ZNF69: variants seen among roughly 807,000 people sequenced by gnomAD.
The protein encoded by ZNF69 is zinc finger protein 69.
A neutral mutation model predicts 50.9 loss-of-function variants in ZNF69; 47 were observed. The observed-to-expected ratio is 0.92, with a 90% CI of 0.73 to 1.18. The LOEUF is 1.18. Ranked by LOEUF, ZNF69 falls within the 50% of genes most tolerant of loss-of-function variation. The pLI, the probability that ZNF69 is intolerant of heterozygous loss-of-function variation, is 0.00. For missense variants in ZNF69, 717 were observed against 675.1 expected (o/e 1.06, Z -0.69); for synonymous variants, 216 against 223.1 (o/e 0.97, Z 0.29).
At chr19:11,977,041 C>T in the ZNF69 span, 1 of 1,614,106 alleles carries the variant, frequency 6.2e-7, no homozygotes, top group Non-Finnish European at 8.5e-7. Context: ...GTTTCAGGAC[C>T]CTGTGGCCTG....
At chr19:11,966,193 T>G in the ZNF69 span, among the ~76,000 whole-genome samples, 258 of 152,292 alleles carry the variant, frequency 1.7e-3, 2 homozygotes, top group African/African-American at 5.7e-3. Context: ...TCCAGTCAGA[T>G]AATGTCTGTT....
the ZNF69 span, among the ~76,000 whole-genome samples, chr19:11,942,233 C>G: frequency 6.6e-6 from 1 of 151,066 alleles, no homozygotes; most frequent in Non-Finnish European, 1.5e-5. Flanking sequence ...GGGCTTTCCC[C>G]TGGACTTCCC....
At chr19:11,960,108 C>T in the ZNF69 span, among the ~76,000 whole-genome samples, 1 of 151,106 alleles carries the variant, frequency 6.6e-6, no homozygotes, top group African/African-American at 2.4e-5. Flanking sequence ...GATCTCACCT[C>T]ACTGCAACCT....
chr19:11,914,961 T>C (rs982320762), downstream of ZNF69, among the ~76,000 whole-genome samples: 1 of 152,172 alleles, frequency 6.6e-6, no homozygotes, highest in African/African-American at 2.4e-5. Flanking sequence ...CCCACCACTT[T>C]GCTAGTCCAA....
intron 1 of ZNF69, among the ~76,000 whole-genome samples, chr19:11,890,302 C>G (rs1158009083): frequency 6.6e-6 from 1 of 152,180 alleles, no homozygotes; most frequent in African/African-American, 2.4e-5. Context: ...GGGCAGAGGT[C>G]CCTGCGGCTT....
At chr19:11,951,017 G>T in the ZNF69 span, among the ~76,000 whole-genome samples, 1 of 151,500 alleles carries the variant, frequency 6.6e-6, no homozygotes, top group Non-Finnish European at 1.5e-5. Flanking sequence ...TGGGCATGGT[G>T]GCGCGCACCG....
chr19:11,941,519 C>G, the ZNF69 span, among the ~76,000 whole-genome samples: 18 of 152,224 alleles, frequency 1.2e-4, no homozygotes, highest in African/African-American at 4.3e-4. Flanking sequence ...CCAGTACACC[C>G]TCTGCAGCCG....
At chr19:11,937,492 T>C in the ZNF69 span, among the ~76,000 whole-genome samples, 2,672 of 122,112 alleles carry the variant, frequency 0.022, 118 homozygotes, top group African/African-American at 0.078. Flanking sequence ...TTTCTTTCCT[T>C]TTTTTTTTTT....
the ZNF69 span, chr19:11,977,498 G>A: frequency 6.4e-7 from 1 of 1,555,708 alleles, no homozygotes. Context: ...ATGTTGAAGA[G>A]AAGTAAAACA....
chr19:11,898,643 C>A (rs1375502193), intron 1 of ZNF69, among the ~76,000 whole-genome samples: 1 of 152,124 alleles, frequency 6.6e-6, no homozygotes, highest in African/African-American at 2.4e-5. Context: ...CCCACCTCAG[C>A]CTTCCAAAGT....
chr19:11,976,182 A>AT, the ZNF69 span, among the ~76,000 whole-genome samples: 1 of 150,442 alleles, frequency 6.6e-6, no homozygotes, highest in Admixed American at 6.7e-5. Context: ...GGGAACAGGC[A>AT]TTTTCAAGGA....
At chr19:11,908,380 C>T (rs1972409933), downstream of ZNF69, among the ~76,000 whole-genome samples, 1 of 152,230 alleles carries the variant, frequency 6.6e-6, no homozygotes, top group Non-Finnish European at 1.5e-5. Flanking sequence ...TTCTTCTCAG[C>T]ACCACATCAC....
At chr19:11,970,068 T>C in the ZNF69 span, among the ~76,000 whole-genome samples, 1 of 152,200 alleles carries the variant, frequency 6.6e-6, no homozygotes, top group Non-Finnish European at 1.5e-5. Context: ...GTGGAGGAGA[T>C]GCCTGGTATA....
chr19:11,978,637 G>A, the ZNF69 span: 1 of 1,613,904 alleles, frequency 6.2e-7, no homozygotes, highest in Admixed American at 1.7e-5. Context: ...AAATCCTTTA[G>A]TTATTCTGCT....
At chr19:11,892,658 C>G (rs564907143) in intron 1 of ZNF69, among the ~76,000 whole-genome samples, 59 of 151,988 alleles carry the variant, frequency 3.9e-4, no homozygotes, top group African/African-American at 1.4e-3. Context: ...TTCCTGTTTC[C>G]CTTCAGTCAT....
Position 11,906,617 on chromosome 19 carries a change from CTGTT to C in ZNF69, c.*520_*523del, listed in dbSNP as rs1885071690. ...AACAGACCTCAGCTGAGGGTCCTGA[CTGTT>C]AGAAGGAAAACTAACAAACAGAAAG... On this transcript the variant is annotated 3_prime_UTR_variant, in exon 4 of 4. Coordinates refer to ENST00000429654, the MANE Select transcript of ZNF69 (RefSeq NM_001364730.1). 6.6e-6 allele frequency among the ~76,000 whole-genome samples: 1 copy of C among 152,218 alleles called. No homozygotes were observed. The highest frequency in any genetic ancestry group is 2.1e-4 in the South Asian group (1 of 4,836).
chr19:11,958,230 G>A, the ZNF69 span, among the ~76,000 whole-genome samples: 8 of 151,990 alleles, frequency 5.3e-5, no homozygotes, highest in South Asian at 1.7e-3. Flanking sequence ...GTAAATATAA[G>A]TGAACTGTGG....
chr19:11,913,792 T>G (rs1033643574), exon 5 of ZNF69: 9 of 161,308 alleles, frequency 5.6e-5, no homozygotes, highest in Non-Finnish European at 9.4e-5. Flanking sequence ...TGTCAGCAAG[T>G]GTGTAATATA....
chr19:11,942,325 C>T, the ZNF69 span, among the ~76,000 whole-genome samples: 23 of 151,962 alleles, frequency 1.5e-4, no homozygotes, highest in South Asian at 1.3e-3. Flanking sequence ...TTCAAGGAAA[C>T]ACAGCCTCAG....
Sources: allele counts gnomAD v4.1 joint callset (sites outside exome capture counted in the v4.1 genomes callset), GRCh38; gene constraint gnomAD v4.1.1; transcripts MANE v1.5; gene names NCBI Gene and HGNC (gene_info 2026-07-23, HGNC 2026-07-21).